TMEM132D: variants seen among roughly 807,000 people sequenced by gnomAD.
TMEM132D encodes mature OL transmembrane protein.
In TMEM132D, 21 loss-of-function variants were observed where a neutral mutation model predicts 62.3. That is an observed-to-expected ratio of 0.34 (90% CI 0.24 to 0.49). The LOEUF is 0.49. TMEM132D is among the 20% of genes least tolerant of loss of function. The pLI, the probability that TMEM132D is intolerant of heterozygous loss-of-function variation, is 0.99. For missense variants in TMEM132D, 1,346 were observed against 1,402.8 expected (o/e 0.96, Z 0.65); for synonymous variants, 621 against 575.6 (o/e 1.08, Z -1.13).
chr12:129,575,550 C>A (rs1464410966), intron 2 of TMEM132D, among the ~76,000 whole-genome samples: 1 of 151,838 alleles, frequency 6.6e-6, no homozygotes. Flanking sequence ...CGTCCATGTG[C>A]CAGACTGAGA....
chr12:129,762,896 AGTT>A (rs1368172504), intron 1 of TMEM132D, among the ~76,000 whole-genome samples: 2 of 152,174 alleles, frequency 1.3e-5, no homozygotes, highest in Non-Finnish European at 2.9e-5. Flanking sequence ...TGAACTCTGC[AGTT>A]GTTGTTCTTC....
chr12:129,278,555 T>A (rs1187453097), intron 4 of TMEM132D, among the ~76,000 whole-genome samples: 4 of 152,166 alleles, frequency 2.6e-5, no homozygotes, highest in African/African-American at 9.6e-5. Flanking sequence ...AACTCTTGAC[T>A]GTCTAGGGCC....
intron 3 of TMEM132D, among the ~76,000 whole-genome samples, chr12:129,477,826 A>T (rs567423770): frequency 5.3e-5 from 8 of 152,182 alleles, no homozygotes; most frequent in East Asian, 1.9e-4. Context: ...ATTTCAAAAA[A>T]AAAATAAAAT....
chr12:129,759,327 C>T (rs1870276273), intron 1 of TMEM132D, among the ~76,000 whole-genome samples: 1 of 152,156 alleles, frequency 6.6e-6, no homozygotes, highest in African/African-American at 2.4e-5. Context: ...TAGGGTTTGG[C>T]CTTCAGTCAT....
chr12:129,145,888 C>A (rs1876879862), intron 5 of TMEM132D, among the ~76,000 whole-genome samples: 1 of 152,126 alleles, frequency 6.6e-6, no homozygotes, highest in Non-Finnish European at 1.5e-5. Context: ...TTCCTCATCT[C>A]TCTTTTCCAC....
At chr12:129,806,859 C>G (rs11060564) in intron 1 of TMEM132D, among the ~76,000 whole-genome samples, 140,959 of 151,968 alleles carry the variant, frequency 0.93, 65,926 homozygotes, top group Non-Finnish European at 0.99. Flanking sequence ...GACCCCAACT[C>G]TACAAAAATA....
intron 5 of TMEM132D, among the ~76,000 whole-genome samples, chr12:129,100,329 T>G (rs982433619): frequency 2.0e-5 from 3 of 152,198 alleles, no homozygotes; most frequent in Non-Finnish European, 4.4e-5. Context: ...TGAGCCACCG[T>G]GCATGGCCAA....
chr12:129,752,405 A>T (rs979263786), intron 1 of TMEM132D, among the ~76,000 whole-genome samples: 7 of 152,208 alleles, frequency 4.6e-5, no homozygotes, highest in Admixed American at 2.0e-4. Context: ...CAACATCTCT[A>T]TGCAGGAATT....
chr12:129,811,498 C>G (rs1403092179), intron 1 of TMEM132D, among the ~76,000 whole-genome samples: 3 of 151,754 alleles, frequency 2.0e-5, no homozygotes, highest in African/African-American at 7.3e-5. Flanking sequence ...GTTCCTTCAC[C>G]CCATCTTTAT....
At chr12:129,559,470 C>T (rs1206946135) in intron 2 of TMEM132D, among the ~76,000 whole-genome samples, 7 of 152,146 alleles carry the variant, frequency 4.6e-5, no homozygotes, top group Non-Finnish European at 8.8e-5. Context: ...ACAACTCGCC[C>T]ACACAAATGG....
At chr12:129,472,859 T>A (rs1378851250) in intron 3 of TMEM132D, among the ~76,000 whole-genome samples, 1 of 152,038 alleles carries the variant, frequency 6.6e-6, no homozygotes, top group Non-Finnish European at 1.5e-5. Context: ...CACTTCACTG[T>A]TGTCTTATTT....
chr12:129,487,936 C>CAA lies in TMEM132D; in HGVS notation c.1115+43121_1115+43122dup, dbSNP rs58079383. ...TGGGCAACAGAGGGAGACTCCATCTCAAAAAAAAAAAAAAAAAAAAAAAAA... is the reference window on the plus strand; with the variant it reads ...TGGGCAACAGAGGGAGACTCCATCTCAAAAAAAAAAAAAAAAAAAAAAAAAAA... On this transcript the variant is annotated intron_variant, in intron 3 of 8. Transcript: ENST00000422113. 3.5e-3 allele frequency among the ~76,000 whole-genome samples: 190 copies of CAA among 54,692 alleles called. 16 individuals carry two copies. Among genetic ancestry groups the CAA allele is most frequent in the African/African-American group, 4.2e-3 (52 of 12,290 alleles). 35.9% of individuals were successfully genotyped at this position (54,692 alleles called of 152,430 possible). A position where few individuals can be genotyped will look rare whatever the true frequency, so the allele number is the denominator to read the frequency against.
At chr12:129,486,591 G>C (rs752397935) in intron 3 of TMEM132D, among the ~76,000 whole-genome samples, 2 of 152,120 alleles carry the variant, frequency 1.3e-5, no homozygotes, top group Non-Finnish European at 2.9e-5. Context: ...TGAAATCTCG[G>C]CTCTGTCCCC....
intron 5 of TMEM132D, among the ~76,000 whole-genome samples, chr12:129,184,525 A>G (rs1443999972): frequency 2.6e-5 from 4 of 152,036 alleles, no homozygotes; most frequent in African/African-American, 7.2e-5. Context: ...CCCATACTCT[A>G]TGGGACTAGC....
chr12:129,443,499 G>A (rs927026891), intron 3 of TMEM132D, among the ~76,000 whole-genome samples: 3 of 152,156 alleles, frequency 2.0e-5, no homozygotes, highest in Non-Finnish European at 2.9e-5. Flanking sequence ...ACGCAAGGCT[G>A]TCCTTGGATA....
In TMEM132D at chr12:129,693,001, T is replaced by A. The variant is rs77842925; in HGVS notation, c.968+6809A>T. Among the ~76,000 whole-genome samples the A allele has an allele frequency of 9.9e-4, 150 of 152,182 alleles. No homozygotes were observed. The East Asian group carries it at 0.026, about 26-fold the overall frequency. ...ACGTACCCTGGAACTTAACAATATA[T>A]AATTTAAAAACAAACTTGACAAAAT... On this transcript the variant is annotated intron_variant, in intron 2 of 8. Coordinates refer to ENST00000422113, the MANE Select transcript of TMEM132D (RefSeq NM_133448.3).
chr12:129,784,349 AG>A (rs2137293243), intron 1 of TMEM132D, among the ~76,000 whole-genome samples: 1 of 152,370 alleles, frequency 6.6e-6, no homozygotes, highest in Admixed American at 6.5e-5. Context: ...CCTCACGTTC[AG>A]TCTGGGCCAC....
chr12:129,179,373 C>T (rs999794043), intron 5 of TMEM132D, among the ~76,000 whole-genome samples: 4 of 151,562 alleles, frequency 2.6e-5, no homozygotes, highest in African/African-American at 4.9e-5. Context: ...AGGTGCAAAG[C>T]GACAGCTGTA....
intron 4 of TMEM132D, among the ~76,000 whole-genome samples, chr12:129,276,687 C>G (rs1197133310): frequency 6.6e-6 from 1 of 152,128 alleles, no homozygotes; most frequent in East Asian, 1.9e-4. Context: ...CCACTTACGC[C>G]GATAGTTTTA....
Sources: gnomAD v4.1 joint callset for allele counts (sites outside exome capture counted in the v4.1 genomes callset) on GRCh38, gnomAD v4.1.1 for gene constraint, MANE v1.5 for transcripts, NCBI Gene and HGNC (gene_info 2026-07-23, HGNC 2026-07-21) for gene names.